The following EBF1 variants were observed in gnomAD, a reference collection of about 807,000 sequenced individuals.
EBF1 encodes the protein EBF transcription factor 1.
A neutral mutation model predicts 68.4 loss-of-function variants in EBF1; 10 were observed. The ratio of observed to expected loss-of-function variants is 0.15; its 90% CI spans 0.09 to 0.25. The LOEUF is 0.25. Among genes scored for constraint, EBF1 ranks in the 10% least tolerant of loss-of-function variants. EBF1 has a pLI of 1.00. For missense variants in EBF1, 509 were observed against 794.4 expected, an observed-to-expected ratio of 0.64 and a Z score of 4.32; for synonymous variants, 298 against 299.8, an observed-to-expected ratio of 0.99 and a Z score of 0.06.
intron 6 of EBF1, among the ~76,000 whole-genome samples, chr5:158,940,340 G>A (rs996894359): frequency 9.8e-5 from 15 of 152,294 alleles, no homozygotes; most frequent in African/African-American, 2.2e-4. Flanking sequence ...AGATCGCGAC[G>A]AGTCCAGGGA....
chr5:158,968,412 T>C (rs181539284), intron 6 of EBF1, among the ~76,000 whole-genome samples: 52 of 152,328 alleles, frequency 3.4e-4, no homozygotes, highest in Non-Finnish European at 6.2e-4. Flanking sequence ...AATTAAACTG[T>C]GAACTTACAA....
At chr5:158,978,844 A>AGT in intron 6 of EBF1, among the ~76,000 whole-genome samples, 1 of 150,358 alleles carries the variant, frequency 6.7e-6, no homozygotes, top group South Asian at 2.1e-4. Flanking sequence ...ACAGAGAGAG[A>AGT]GTCCACAGTT....
chr5:158,871,504 T>A (rs1796868539), intron 6 of EBF1, among the ~76,000 whole-genome samples: 1 of 152,204 alleles, frequency 6.6e-6, no homozygotes, highest in African/African-American at 2.4e-5. Flanking sequence ...AGCCAGAAAG[T>A]CATTCTTGCA....
At chr5:158,809,590 TA>T (rs1191783686) in intron 8 of EBF1, among the ~76,000 whole-genome samples, 1 of 152,188 alleles carries the variant, frequency 6.6e-6, no homozygotes, top group Non-Finnish European at 1.5e-5. Flanking sequence ...ACATATGAAT[TA>T]CAGTAAAATC....
chr5:158,774,508 A>T (rs1211857134), intron 10 of EBF1, among the ~76,000 whole-genome samples: 1 of 152,088 alleles, frequency 6.6e-6, no homozygotes, highest in African/African-American at 2.4e-5. Context: ...GTGATATTTC[A>T]CTAACAAATA....
intron 6 of EBF1, among the ~76,000 whole-genome samples, chr5:158,858,311 C>T (rs1015866794): frequency 2.6e-5 from 4 of 152,138 alleles, no homozygotes; most frequent in Non-Finnish European, 5.9e-5. Flanking sequence ...AGCAGACCCG[C>T]CTGACACATG....
At chr5:159,018,968 C>A (rs1766137445) in intron 6 of EBF1, 1 of 152,216 alleles carries the variant, frequency 6.6e-6, no homozygotes, top group African/African-American at 2.4e-5. Context: ...ACCTCCTCCG[C>A]AAAGACTATA....
At chr5:158,716,295 C>G (rs1339702193) in intron 11 of EBF1, among the ~76,000 whole-genome samples, 1 of 151,982 alleles carries the variant, frequency 6.6e-6, no homozygotes, top group Non-Finnish European at 1.5e-5. Context: ...GAGCTCTCAT[C>G]CCCATTTAAT....
At chr5:158,927,736 G>T (rs1809993238) in intron 6 of EBF1, among the ~76,000 whole-genome samples, 1 of 152,152 alleles carries the variant, frequency 6.6e-6, no homozygotes. Flanking sequence ...GACCTTGCTG[G>T]CTTGTGTTTG....
At chr5:158,974,748 A>G (rs897194253) in intron 6 of EBF1, among the ~76,000 whole-genome samples, 2 of 152,220 alleles carry the variant, frequency 1.3e-5, no homozygotes, top group African/African-American at 4.8e-5. Context: ...GACTTTAAGG[A>G]GAAAAAACAG....
At position 158,712,297 on chromosome 5, in the gene EBF1, C is replaced by G. The variant is rs1759552786; in HGVS notation, c.1406G>C (p.Gly469Ala). Residue 469 changes from glycine to alanine, a missense_variant, in exon 14 of 16, where the codon GGG becomes GCG. Transcript: ENST00000313708. ...TRNSSSVSPH[G>A]YVPSTTPQQT... ...CTGGGGAGTGGTGCTCGGCACGTACCCGTGTGGTGATACGCTGCTTGAGTT... is the reference window on the plus strand; with the variant it reads ...CTGGGGAGTGGTGCTCGGCACGTACGCGTGTGGTGATACGCTGCTTGAGTT... The G allele has an allele frequency of 6.2e-7, 1 of 1,613,868 alleles. No individual in the cohort carries two copies. The highest frequency in any genetic ancestry group is 8.5e-7 in the Non-Finnish European group (1 of 1,180,000).
chr5:159,056,528 T>C (rs748546523), intron 6 of EBF1, among the ~76,000 whole-genome samples: 3 of 152,316 alleles, frequency 2.0e-5, no homozygotes, highest in Admixed American at 1.3e-4. Context: ...CTCAGCACCA[T>C]ACCCATGACT....
intron 8 of EBF1, among the ~76,000 whole-genome samples, chr5:158,820,026 A>C (rs1244580358): frequency 6.6e-6 from 1 of 152,134 alleles, no homozygotes; most frequent in Non-Finnish European, 1.5e-5. Flanking sequence ...CCCATGCATG[A>C]ATGTAAAGCA....
intron 10 of EBF1, among the ~76,000 whole-genome samples, chr5:158,769,495 T>G (rs1864940): frequency 6.6e-6 from 1 of 151,994 alleles, no homozygotes; most frequent in Non-Finnish European, 1.5e-5. Context: ...GAAAGTATAT[T>G]TGTAAAATAT....
At chr5:158,714,912 A>C (rs1356767031) in intron 11 of EBF1, among the ~76,000 whole-genome samples, 1 of 152,114 alleles carries the variant, frequency 6.6e-6, no homozygotes, top group Non-Finnish European at 1.5e-5. Flanking sequence ...TTCCAGTTGA[A>C]GGAAAAATAT....
chr5:158,921,096 C>A (rs1436007294), intron 6 of EBF1, among the ~76,000 whole-genome samples: 1 of 152,184 alleles, frequency 6.6e-6, no homozygotes, highest in African/African-American at 2.4e-5. Context: ...TAATGCTGCA[C>A]ACGTTTATGC....
At position 158,698,400 on chromosome 5, in the gene EBF1, GA is replaced by G; in HGVS notation, c.*710del. 4.5e-6 allele frequency: 1 copy of G among 224,450 alleles called. No individual in the cohort carries two copies. The highest frequency in any genetic ancestry group is 8.9e-6 in the Non-Finnish European group (1 of 112,290). The allele number at this position is 224,450 out of a possible 1,614,324, so 13.9% of individuals were successfully genotyped here. On this transcript the variant is annotated 3_prime_UTR_variant, in exon 16 of 16. Coordinates refer to ENST00000313708, the MANE Select transcript of EBF1 (RefSeq NM_024007.5). ...GAGGCACTGGATTTTCGAGTAGAGG[GA>G]AAAATGTGATCACTTACATCGCGTT...
intron 6 of EBF1, among the ~76,000 whole-genome samples, chr5:158,887,060 G>C (rs1052281773): frequency 1.3e-5 from 2 of 152,128 alleles, no homozygotes; most frequent in African/African-American, 4.8e-5. Context: ...TAGAAACCTA[G>C]ATTCTTCAAA....
intron 6 of EBF1, among the ~76,000 whole-genome samples, chr5:159,003,715 C>G (rs1043644497): frequency 6.6e-6 from 1 of 152,354 alleles, no homozygotes; most frequent in Middle Eastern, 3.4e-3. Flanking sequence ...CACATGCCCA[C>G]AAGCCATGTG....
Sources: allele counts gnomAD v4.1 joint callset (sites outside exome capture counted in the v4.1 genomes callset), GRCh38; gene constraint gnomAD v4.1.1; transcripts MANE v1.5; gene names NCBI Gene and HGNC (gene_info 2026-07-23, HGNC 2026-07-21).